The following FER variants were observed in gnomAD, a reference collection of about 807,000 sequenced individuals.
The protein encoded by FER is tyrosine-protein kinase Fer.
Under a neutral mutation model 111.0 loss-of-function variants are expected in FER, and 63 were observed. The observed-to-expected ratio is 0.57, with a 90% CI of 0.46 to 0.70. The LOEUF (loss-of-function observed/expected upper bound fraction) is 0.70, where lower values mean the gene tolerates loss of function less well. Ranked by LOEUF, FER falls within the 30% of genes least tolerant of loss-of-function variation. FER has a pLI of 0.00. For synonymous variants in FER, 327 were observed against 313.9 expected, an observed-to-expected ratio of 1.04 and a Z score of -0.44; for missense variants, 914 against 954.0, an observed-to-expected ratio of 0.96 and a Z score of 0.55.
intron 10 of FER, among the ~76,000 whole-genome samples, chr5:108,911,314 A>T (rs934901375): frequency 1.3e-5 from 2 of 151,270 alleles, no homozygotes; most frequent in Non-Finnish European, 1.5e-5. Flanking sequence ...TTTTTAATGG[A>T]GTTGTTCATT....
Position 108,756,156 on chromosome 5 carries a change from C to CA in FER, c.-206+8173dup, listed in dbSNP as rs11341627. The stretch of plus-strand genomic sequence containing the variant: ...GTGACAAGAGCGAGAAACTCCATCT[C>CA]AAAAAAAAAAAAAAAAATAATAATA... On this transcript the variant is annotated intron_variant, in intron 1 of 19. Transcript: ENST00000281092. Among the ~76,000 whole-genome samples the CA allele has an allele frequency of 9.9e-3, 1,199 of 121,594 alleles. 16 individuals are homozygous for CA. The highest frequency in any genetic ancestry group is 0.026 in the East Asian group (78 of 2,984). The allele number at this position is 121,594 out of a possible 152,430, so 79.8% of individuals were successfully genotyped here.
intron 2 of FER, among the ~76,000 whole-genome samples, chr5:108,777,893 A>AC (rs1469094449): frequency 6.6e-6 from 1 of 152,006 alleles, no homozygotes; most frequent in Admixed American, 6.6e-5. Context: ...GGAAAGACCC[A>AC]CCCCCATGAT....
At chr5:108,792,679 T>C (rs901032451) in intron 2 of FER, among the ~76,000 whole-genome samples, 1 of 143,750 alleles carries the variant, frequency 7.0e-6, no homozygotes, top group Non-Finnish European at 1.5e-5. Flanking sequence ...CAAGTTTTGC[T>C]TTTTTTTTTT....
At chr5:108,756,437 C>T (rs1450515783) in intron 1 of FER, among the ~76,000 whole-genome samples, 1 of 151,918 alleles carries the variant, frequency 6.6e-6, no homozygotes, top group Non-Finnish European at 1.5e-5. Context: ...ATTTCCTGAC[C>T]ATTCTGAATC....
chr5:108,971,965 T>G (rs545225948), intron 13 of FER, among the ~76,000 whole-genome samples: 1 of 152,180 alleles, frequency 6.6e-6, no homozygotes, highest in South Asian at 2.1e-4. Flanking sequence ...TTTTTTCCCT[T>G]TAGGCTTTGC....
intron 3 of FER, among the ~76,000 whole-genome samples, chr5:108,812,874 GTT>G (rs1757908044): frequency 1.3e-5 from 2 of 151,694 alleles, no homozygotes; most frequent in African/African-American, 2.4e-5. Context: ...TGTTCTTTGT[GTT>G]ATTATTGTTA....
chr5:108,831,650 C>A (rs1264690188), intron 3 of FER, among the ~76,000 whole-genome samples: 1 of 152,126 alleles, frequency 6.6e-6, no homozygotes, highest in African/African-American at 2.4e-5. Context: ...ACATACAATG[C>A]AGTGTATCAA....
chr5:109,146,485 G>A (rs1383080269), intron 17 of FER, among the ~76,000 whole-genome samples: 1 of 150,876 alleles, frequency 6.6e-6, no homozygotes, highest in Non-Finnish European at 1.5e-5. Flanking sequence ...CATGCTTCTA[G>A]CCATATTTAT....
intron 5 of FER, among the ~76,000 whole-genome samples, chr5:108,846,213 C>A (rs1007983020): frequency 1.3e-5 from 2 of 152,076 alleles, no homozygotes; most frequent in African/African-American, 2.4e-5. Flanking sequence ...CCATCTGGAT[C>A]TGCTTGTTTT....
rs987469511 is a variant in FER at position 109,189,086 on chromosome 5, A to G, written c.*1511A>G. 2 of 152,226 alleles carry G rather than the reference A, an allele frequency of 1.3e-5. No homozygotes were observed. The highest frequency in any genetic ancestry group is 4.8e-5 in the African/African-American group (2 of 41,446). 9.4% of individuals were successfully genotyped at this position (152,226 alleles called of 1,614,324 possible). A position where few individuals can be genotyped will look rare whatever the true frequency, so the allele number is the denominator to read the frequency against. The stretch of plus-strand genomic sequence containing the variant: ...ACATTCTTACCATTAGCTGACAGGT[A>G]TGCAAGCAGAGTGCTGAAGATGTCT... On this transcript the variant is annotated 3_prime_UTR_variant, in exon 20 of 20. Coordinates refer to ENST00000281092, the MANE Select transcript of FER (RefSeq NM_005246.4).
chr5:109,186,696 C>G (rs7722410), intron 19 of FER, among the ~76,000 whole-genome samples: 1,687 of 152,272 alleles, frequency 0.011, 32 homozygotes, highest in African/African-American at 0.038. Context: ...TTCAGGAAGT[C>G]TTTGAGAATA....
intron 12 of FER, among the ~76,000 whole-genome samples, chr5:108,957,482 G>A (rs1017918293): frequency 1.1e-4 from 16 of 151,514 alleles, no homozygotes; most frequent in South Asian, 4.2e-4. Flanking sequence ...GGAGAAAAGG[G>A]AACTCTTACA....
At chr5:108,856,807 T>G (rs1406095301) in intron 5 of FER, among the ~76,000 whole-genome samples, 1 of 152,108 alleles carries the variant, frequency 6.6e-6, no homozygotes, top group Non-Finnish European at 1.5e-5. Context: ...ATATTACGTG[T>G]AGTGGAAACA....
chr5:109,183,240 C>A (rs1213468594), intron 18 of FER, among the ~76,000 whole-genome samples: 1 of 139,386 alleles, frequency 7.2e-6, no homozygotes, highest in East Asian at 2.1e-4. Flanking sequence ...GACTCTAAAT[C>A]CTAGCGTGTT....
At chr5:109,059,773 C>T (rs1774140581) in intron 16 of FER, among the ~76,000 whole-genome samples, 1 of 152,150 alleles carries the variant, frequency 6.6e-6, no homozygotes, top group Non-Finnish European at 1.5e-5. Context: ...AATTTCAAGT[C>T]TTCCCAAAAC....
chr5:108,954,073 A>G (rs1457148869), intron 11 of FER, among the ~76,000 whole-genome samples: 1 of 151,844 alleles, frequency 6.6e-6, no homozygotes, highest in African/African-American at 2.4e-5. Flanking sequence ...GTTTATAACC[A>G]CTCCTTATCT....
intron 11 of FER, among the ~76,000 whole-genome samples, chr5:108,948,861 T>A (rs1263139576): frequency 6.6e-6 from 1 of 152,080 alleles, no homozygotes; most frequent in Non-Finnish European, 1.5e-5. Flanking sequence ...TTGAAAAATA[T>A]TCTTTAAAAC....
At chr5:108,974,143 A>G (rs1007197272) in intron 13 of FER, among the ~76,000 whole-genome samples, 2 of 152,174 alleles carry the variant, frequency 1.3e-5, no homozygotes, top group Non-Finnish European at 2.9e-5. Context: ...TAGAAATTAT[A>G]TTAGGTACTG....
rs189963485 is a variant in FER, at chr5:108,934,525, G to A, written c.1237-11605G>A. Among the ~76,000 whole-genome samples, 228 of 152,146 alleles carry A rather than the reference G, an allele frequency of 1.5e-3. 1 individual carries two copies. The highest frequency in any genetic ancestry group is 5.2e-3 in the African/African-American group (215 of 41,516). ...CAACTTATTTTTGTCTTGGGAGTTC[G>A]TTGCTTTTTAAAATTCTTTCTTTGC... On this transcript the variant is annotated intron_variant, in intron 10 of 19. Transcript: ENST00000281092.
Sources: allele counts gnomAD v4.1 joint callset (sites outside exome capture counted in the v4.1 genomes callset), GRCh38; gene constraint gnomAD v4.1.1; transcripts MANE v1.5; gene names NCBI Gene and HGNC (gene_info 2026-07-23, HGNC 2026-07-21).